The following NACC1 variants were observed in gnomAD, a reference collection of about 807,000 sequenced individuals.
NACC1 encodes the protein nucleus accumbens associated 1.
Under a neutral mutation model 41.7 loss-of-function variants are expected in NACC1, and 6 were observed. The ratio of observed to expected loss-of-function variants is 0.14; its 90% confidence interval spans 0.08 to 0.28. NACC1 has a LOEUF of 0.28. Among genes scored for constraint, NACC1 ranks in the 10% least tolerant of loss-of-function variants. The pLI is 1.00. For synonymous variants in NACC1, 338 were observed against 330.6 expected, an observed-to-expected ratio of 1.02 and a Z score of -0.24; for missense variants, 434 against 763.7, an observed-to-expected ratio of 0.57 and a Z score of 5.09.
rs147434338 is a variant in NACC1 at position 13,133,233 on chromosome 19, C to T, written c.-8-1967C>T. Among the ~76,000 whole-genome samples, 55 of 152,248 alleles carry T rather than the reference C, an allele frequency of 3.6e-4. 1 individual carries two copies. In the East Asian group the frequency reaches 9.3e-3, roughly 26 times the overall value. ...ACTCAGGGAAGCCTTCTCACTCGCACTCTGCCCAGTTAGGACCACTGCCCT... is the reference window on the plus strand; with the variant it reads ...ACTCAGGGAAGCCTTCTCACTCGCATTCTGCCCAGTTAGGACCACTGCCCT... On this transcript the variant is annotated intron_variant, in intron 1 of 5. Transcript: ENST00000292431.
At position 13,139,376 on chromosome 19, in the gene NACC1, A is replaced by G. The variant is rs1303093844; in HGVS notation, c.*970A>G. 6.6e-6 allele frequency: 1 copy of G among 152,060 alleles called. No individual in the cohort carries two copies. The highest frequency in any genetic ancestry group is 1.9e-4 in the East Asian group (1 of 5,192). The allele number at this position is 152,060 out of a possible 1,614,324, so 9.4% of individuals were successfully genotyped here. On this transcript the variant is annotated 3_prime_UTR_variant, in exon 6 of 6. Transcript: ENST00000292431. The stretch of plus-strand genomic sequence containing the variant: ...TTTTTAGCGAATGAAATATTGAAGT[A>G]TAAGATTCCTTTTATTTTTCAAACC...
chr19:13,138,079 G>A lies in NACC1; in HGVS notation c.1325-68G>A. ...AGGGAGTCGCAGATGCTGTAGGGGAGCTGGTGAGTAGGCCTTGTGGGAGTC... is the reference window on the plus strand; with the variant it reads ...AGGGAGTCGCAGATGCTGTAGGGGAACTGGTGAGTAGGCCTTGTGGGAGTC... On this transcript the variant is annotated intron_variant, in intron 5 of 5. Coordinates refer to ENST00000292431, the MANE Select transcript of NACC1 (RefSeq NM_052876.4). This position sits in a 1 kb window ranked among gnomAD's most constrained non-coding sequence, Gnocchi z 5.7. The A allele has an allele frequency of 6.3e-7, 1 of 1,580,510 alleles. No individual in the cohort carries two copies. Among genetic ancestry groups the A allele is most frequent in the East Asian group, 2.3e-5 (1 of 44,050 alleles).
Position 13,118,338 on chromosome 19 carries a change from G to A in NACC1, c.-125G>A, listed in dbSNP as rs1478212585. 6.8e-6 allele frequency: 1 copy of A among 146,868 alleles called. No homozygotes were observed. Among genetic ancestry groups the A allele is most frequent in the Non-Finnish European group, 1.5e-5 (1 of 65,996 alleles). 9.1% of individuals were successfully genotyped at this position (146,868 alleles called of 1,614,324 possible). A position where few individuals can be genotyped will look rare whatever the true frequency, so the allele number is the denominator to read the frequency against. On this transcript the variant is annotated 5_prime_UTR_variant, in exon 1 of 6. Coordinates refer to ENST00000292431, the MANE Select transcript of NACC1 (RefSeq NM_052876.4). ...CTGCTGCTGAGGCGGAGGCCGCGGA[G>A]GCCGCGGAGGCGGAGGCCGAGGCCC...
chr19:13,126,271 C>CTGACCTCG (rs937624415), intron 1 of NACC1, among the ~76,000 whole-genome samples: 2 of 151,948 alleles, frequency 1.3e-5, no homozygotes, highest in African/African-American at 4.8e-5. Context: ...TCTCTATCTC[C>CTGACCTCG]TGACCTCGTG....
At chr19:13,132,632 T>C (rs2019647916) in intron 1 of NACC1, among the ~76,000 whole-genome samples, 1 of 152,002 alleles carries the variant, frequency 6.6e-6, no homozygotes, top group Non-Finnish European at 1.5e-5. Context: ...AAGTTGTGAG[T>C]TGGTTCCTCC....
intron 1 of NACC1, among the ~76,000 whole-genome samples, chr19:13,127,900 GC>G (rs1438214570): frequency 6.6e-6 from 1 of 152,092 alleles, no homozygotes. Flanking sequence ...AGTATGAAGA[GC>G]TATGGCTGTC....
rs752841408 is a variant in NACC1, at chr19:13,138,126, C to T, written c.1325-21C>T. 19 of 1,609,504 alleles carry T rather than the reference C, an allele frequency of 1.2e-5. No homozygotes were observed. Among genetic ancestry groups the T allele is most frequent in the East Asian group, 2.3e-5 (1 of 44,306 alleles). On this transcript the variant is annotated intron_variant, in intron 5 of 5. Coordinates refer to ENST00000292431, the MANE Select transcript of NACC1 (RefSeq NM_052876.4). This position sits in a 1 kb window ranked among gnomAD's most constrained non-coding sequence, Gnocchi z 5.7. ...AGTCACCTGGCCCCCGTGCCAAGGC[C>T]GCACCCACCCTGCCCCACAGACTAC...
chr19:13,126,678 C>T (rs2019566755), intron 1 of NACC1, among the ~76,000 whole-genome samples: 2 of 152,266 alleles, frequency 1.3e-5, no homozygotes, highest in Non-Finnish European at 2.9e-5. Context: ...GCTGGCTACC[C>T]ACCTTGGCAG....
chr19:13,136,472 G>A lies in NACC1; in HGVS notation c.1120+67G>A. Reference sequence around the variant, plus strand: ...GGAGCCGGCTGGCCTGGGCTGGGCTGGGCAGCTGGTTAGGAGCCCCCAGCA... The same window carrying A: ...GGAGCCGGCTGGCCTGGGCTGGGCTAGGCAGCTGGTTAGGAGCCCCCAGCA... On this transcript the variant is annotated intron_variant, in intron 3 of 5. Transcript: ENST00000292431. The surrounding 1 kb of genome is among the most constrained non-coding windows in gnomAD (Gnocchi z 5.5). The A allele has an allele frequency of 6.5e-7, 1 of 1,528,374 alleles. No individual in the cohort carries two copies. The highest frequency in any genetic ancestry group is 8.8e-7 in the Non-Finnish European group (1 of 1,139,252). 94.7% of individuals were successfully genotyped at this position (1,528,374 alleles called of 1,614,324 possible).
rs766034729 is a variant in NACC1 at position 13,137,401 on chromosome 19, G to A, written c.1226+25G>A. On this transcript the variant is annotated intron_variant, in intron 4 of 5. Coordinates refer to ENST00000292431, the MANE Select transcript of NACC1 (RefSeq NM_052876.4). This position sits in a 1 kb window ranked among gnomAD's most constrained non-coding sequence, Gnocchi z 6.1. The stretch of plus-strand genomic sequence containing the variant: ...GGTAAGGCCCTTGCCAGAGCCCCAG[G>A]GAGGGGGGTGGGGTTTCCCCATGTC... 4 of 1,582,494 alleles carry A rather than the reference G, an allele frequency of 2.5e-6. No individual in the cohort carries two copies. The highest frequency in any genetic ancestry group is 1.7e-5 in the Admixed American group (1 of 59,950).
chr19:13,127,934 G>T (rs901405156), intron 1 of NACC1, among the ~76,000 whole-genome samples: 1 of 152,126 alleles, frequency 6.6e-6, no homozygotes, highest in African/African-American at 2.4e-5. Flanking sequence ...TAGTAGGTCC[G>T]AGAGCAAGCA....
intron 1 of NACC1, among the ~76,000 whole-genome samples, chr19:13,129,839 C>T (rs1320703457): frequency 1.3e-5 from 2 of 151,948 alleles, no homozygotes; most frequent in African/African-American, 4.8e-5. Context: ...CTCCTATTAT[C>T]CCCGTAACCT....
At position 13,137,103 on chromosome 19, in the gene NACC1, A is replaced by C. The variant is rs1373611408; in HGVS notation, c.1121-168A>C. On this transcript the variant is annotated intron_variant, in intron 3 of 5. Coordinates refer to ENST00000292431, the MANE Select transcript of NACC1 (RefSeq NM_052876.4). This position sits in a 1 kb window ranked among gnomAD's most constrained non-coding sequence, Gnocchi z 6.1. ...GGGGAGCCCCAAGGAGCCTCCCCTGACTGCCCTTGGTGGGTAGAGATGTAG... is the reference window on the plus strand; with the variant it reads ...GGGGAGCCCCAAGGAGCCTCCCCTGCCTGCCCTTGGTGGGTAGAGATGTAG... 6.6e-6 allele frequency among the ~76,000 whole-genome samples: 1 copy of C among 152,182 alleles called. No individual in the cohort carries two copies. The highest frequency in any genetic ancestry group is 1.5e-5 in the Non-Finnish European group (1 of 68,026).
Position 13,136,413 on chromosome 19 carries a change from G to A in NACC1, c.1120+8G>A, listed in dbSNP as rs376210687. 9.4e-5 allele frequency: 151 copies of A among 1,607,444 alleles called. No homozygotes were observed. The highest frequency in any genetic ancestry group is 1.6e-4 in the East Asian group (7 of 44,320). On this transcript the variant is annotated splice_region_variant and intron_variant, in intron 3 of 5. Coordinates refer to ENST00000292431, the MANE Select transcript of NACC1 (RefSeq NM_052876.4). This position sits in a 1 kb window ranked among gnomAD's most constrained non-coding sequence, Gnocchi z 5.5. ...AGCTGGAGCTGGTGACAGGTGGGCC[G>A]GTCTCGCCCCAGATCTCTCCCCTCC... is the stretch of plus-strand genomic sequence containing the variant.
At chr19:13,124,092 G>A (rs1307354790) in intron 1 of NACC1, among the ~76,000 whole-genome samples, 1 of 152,110 alleles carries the variant, frequency 6.6e-6, no homozygotes, top group Non-Finnish European at 1.5e-5. Context: ...AATTAAATCT[G>A]TGGGTGTATA....
chr19:13,128,421 A>T (rs2019591785), intron 1 of NACC1, among the ~76,000 whole-genome samples: 1 of 152,202 alleles, frequency 6.6e-6, no homozygotes, highest in African/African-American at 2.4e-5. Context: ...TACCACCGTT[A>T]TGACCTCAAT....
chr19:13,120,204 TC>T (rs1309016890), intron 1 of NACC1, among the ~76,000 whole-genome samples: 4 of 151,822 alleles, frequency 2.6e-5, no homozygotes, highest in Non-Finnish European at 5.9e-5. Context: ...CTTCCCCATT[TC>T]CCTCCTGGGA....
rs1568387297 is a variant in NACC1 at position 13,139,071 on chromosome 19, C to CA, written c.*666dup. 2 of 152,358 alleles carry CA rather than the reference C, an allele frequency of 1.3e-5. No homozygotes were observed. Among genetic ancestry groups the CA allele is most frequent in the African/African-American group, 2.4e-5 (1 of 41,296 alleles). 9.4% of individuals were successfully genotyped at this position (152,358 alleles called of 1,614,324 possible). The stretch of plus-strand genomic sequence containing the variant: ...TGCTCCCTTTGGTCCTCTGGGGCCT[C>CA]AGAGAGGCAGGTCCTAAAGGAGGGG... On this transcript the variant is annotated 3_prime_UTR_variant, in exon 6 of 6. Transcript: ENST00000292431.
chr19:13,138,492 C>T lies in NACC1; in HGVS notation c.*86C>T. 2 of 1,549,166 alleles carry T rather than the reference C, an allele frequency of 1.3e-6. No individual in the cohort carries two copies. The highest frequency in any genetic ancestry group is 1.7e-6 in the Non-Finnish European group (2 of 1,150,186). ...TCTTGGTCATGAGCTACTGTCTGTC[C>T]CTCCCCAGGACCCGCGGTGGGTGCT... On this transcript the variant is annotated 3_prime_UTR_variant, in exon 6 of 6. Transcript: ENST00000292431. This position sits in a 1 kb window ranked among gnomAD's most constrained non-coding sequence, Gnocchi z 5.7.
Sources: allele counts gnomAD v4.1 joint callset (sites outside exome capture counted in the v4.1 genomes callset), GRCh38; gene constraint gnomAD v4.1.1; non-coding constraint Gnocchi (gnomAD v3.1); transcripts MANE v1.5; gene names NCBI Gene and HGNC (gene_info 2026-07-23, HGNC 2026-07-21).